The following OSBPL10 variants were observed in gnomAD, a reference collection of about 807,000 sequenced individuals.
The protein encoded by OSBPL10 is oxysterol-binding protein-related protein 10.
In OSBPL10, 49 loss-of-function variants were observed where a neutral mutation model predicts 81.7. The ratio of observed to expected loss-of-function variants is 0.60; its 90% CI spans 0.48 to 0.76. OSBPL10 has a LOEUF of 0.76. Among genes scored for constraint, OSBPL10 ranks in the 30% least tolerant of loss-of-function variants. The pLI is 0.00. For synonymous variants in OSBPL10, 419 were observed against 383.6 expected (o/e 1.09, Z -1.08); for missense variants, 923 against 987.8 (o/e 0.93, Z 0.88).
chr3:31,661,319 G>A lies in OSBPL10; in HGVS notation c.*753C>T, dbSNP rs1317883395. The A allele has an allele frequency of 2.0e-5, 3 of 152,274 alleles. No individual in the cohort carries two copies. In the East Asian group the frequency reaches 5.8e-4, roughly 29 times the overall value. The allele number at this position is 152,274 out of a possible 1,614,324, so 9.4% of individuals were successfully genotyped here. On this transcript the variant is annotated 3_prime_UTR_variant, in exon 12 of 12. Coordinates refer to ENST00000396556, the MANE Select transcript of OSBPL10 (RefSeq NM_017784.5). ...AAAGAAGTCTCCATATGATTGACTG[G>A]TTTTCTGATGTAAAAGAAGCAACTT...
intron 1 of OSBPL10, among the ~76,000 whole-genome samples, chr3:32,056,700 C>T (rs542459470): frequency 6.6e-5 from 10 of 152,344 alleles, no homozygotes; most frequent in South Asian, 4.1e-4. Flanking sequence ...GATGGACCTT[C>T]GTCCCTCTGC....
At chr3:31,897,274 G>A (rs1316208961) in intron 1 of OSBPL10, among the ~76,000 whole-genome samples, 3 of 151,950 alleles carry the variant, frequency 2.0e-5, no homozygotes, top group Admixed American at 1.3e-4. Context: ...CTTTGCTAAG[G>A]GCACTCACAG....
At chr3:32,046,536 C>G (rs992050692) in exon 2 of OSBPL10, 4 of 152,206 alleles carry the variant, frequency 2.6e-5, no homozygotes, top group Non-Finnish European at 4.4e-5. Context: ...ATGAGTAGTT[C>G]TATTTCCTAT....
intron 2 of OSBPL10, among the ~76,000 whole-genome samples, chr3:32,006,729 T>G (rs1320933693): frequency 6.6e-6 from 1 of 152,224 alleles, no homozygotes; most frequent in African/African-American, 2.4e-5. Flanking sequence ...CAAGTTCTCA[T>G]GTACACAGCT....
chr3:31,845,008 G>C (rs960646530), intron 3 of OSBPL10, among the ~76,000 whole-genome samples: 70 of 152,236 alleles, frequency 4.6e-4, no homozygotes, highest in Non-Finnish European at 3.8e-4. Flanking sequence ...CTTGAGCCCA[G>C]GAGGTCAAAG....
At chr3:31,754,594 A>G (rs1381276987) in intron 4 of OSBPL10, among the ~76,000 whole-genome samples, 1 of 152,236 alleles carries the variant, frequency 6.6e-6, no homozygotes, top group African/African-American at 2.4e-5. Context: ...GATCTCAAAA[A>G]CAGTGACCAC....
At chr3:31,814,517 G>A (rs762931804) in intron 4 of OSBPL10, among the ~76,000 whole-genome samples, 3 of 152,174 alleles carry the variant, frequency 2.0e-5, no homozygotes, top group Non-Finnish European at 2.9e-5. Flanking sequence ...CAGAGACACC[G>A]ATACGCAGGG....
intron 5 of OSBPL10, among the ~76,000 whole-genome samples, chr3:31,740,293 C>T (rs894381658): frequency 3.3e-5 from 5 of 152,114 alleles, no homozygotes; most frequent in Non-Finnish European, 7.4e-5. Flanking sequence ...CCACCCGCCT[C>T]GGCCTCCCAA....
At chr3:31,752,054 AC>A (rs1397383561) in intron 4 of OSBPL10, among the ~76,000 whole-genome samples, 2 of 152,206 alleles carry the variant, frequency 1.3e-5, no homozygotes, top group African/African-American at 4.8e-5. Context: ...TAAATGTGGT[AC>A]CGAAAGGCTG....
In OSBPL10 at chr3:31,905,848, A is replaced by T. The variant is rs1020367955; in HGVS notation, c.282-26018T>A. On this transcript the variant is annotated intron_variant, in intron 1 of 11. Transcript: ENST00000396556. ...CAATAAAACATTCCCTGACAAAAAA[A>T]AACCTATCACTTGATTAATTATTCT... Among the ~76,000 whole-genome samples the T allele has an allele frequency of 1.3e-5, 2 of 152,118 alleles. 1 individual carries two copies. Among genetic ancestry groups the T allele is most frequent in the South Asian group, 4.2e-4 (2 of 4,800 alleles).
chr3:31,685,672 A>G (rs969269493), intron 7 of OSBPL10, among the ~76,000 whole-genome samples: 4 of 152,142 alleles, frequency 2.6e-5, no homozygotes, highest in African/African-American at 7.2e-5. Context: ...CTCTCTTTAC[A>G]TAACTAATTC....
intron 1 of OSBPL10, among the ~76,000 whole-genome samples, chr3:31,959,083 A>C (rs1698086201): frequency 6.6e-6 from 1 of 152,194 alleles, no homozygotes; most frequent in Admixed American, 6.6e-5. Context: ...AGACGCACGC[A>C]ATGGAATCAC....
At chr3:31,680,687 T>A (rs532155737) in intron 8 of OSBPL10, among the ~76,000 whole-genome samples, 1 of 152,158 alleles carries the variant, frequency 6.6e-6, no homozygotes, top group Non-Finnish European at 1.5e-5. Flanking sequence ...TGGAGTGGAC[T>A]TGGAAGAACA....
intron 2 of OSBPL10, among the ~76,000 whole-genome samples, chr3:32,015,989 C>T (rs550414825): frequency 6.6e-6 from 1 of 152,328 alleles, no homozygotes; most frequent in South Asian, 2.1e-4. Flanking sequence ...CACTTTTACA[C>T]TGTTGGTGGG....
chr3:31,736,604 T>C (rs534390666), intron 5 of OSBPL10, among the ~76,000 whole-genome samples: 1 of 152,330 alleles, frequency 6.6e-6, no homozygotes, highest in Non-Finnish European at 1.5e-5. Context: ...CAAACAGTTG[T>C]TCCATAGATA....
chr3:31,682,775 T>A lies in OSBPL10; in HGVS notation c.1726+859A>T, dbSNP rs185697100. ...AACAGAAGCATCATCAGAACAGATC[T>A]TTTTTGGTCTGTTTTGTTTGCTCAA... On this transcript the variant is annotated intron_variant, in intron 8 of 11. Transcript: ENST00000396556. Among the ~76,000 whole-genome samples, 39 of 152,350 alleles carry A rather than the reference T, an allele frequency of 2.6e-4. 1 individual carries two copies. Among genetic ancestry groups the A allele is most frequent in the Admixed American group, 1.9e-3 (29 of 15,306 alleles).
At chr3:31,845,513 T>G (rs555517019) in intron 3 of OSBPL10, among the ~76,000 whole-genome samples, 20 of 152,368 alleles carry the variant, frequency 1.3e-4, no homozygotes, top group African/African-American at 4.8e-4. Flanking sequence ...TGTGCAATTA[T>G]AGTGCTTTTA....
chr3:31,838,717 C>T (rs1479998085), intron 3 of OSBPL10, among the ~76,000 whole-genome samples: 1 of 151,842 alleles, frequency 6.6e-6, no homozygotes, highest in African/African-American at 2.4e-5. Flanking sequence ...GCTGAGTTAG[C>T]ATCTTCGAAA....
intron 9 of OSBPL10, among the ~76,000 whole-genome samples, chr3:31,669,882 T>G (rs981111910): frequency 6.6e-6 from 1 of 152,194 alleles, no homozygotes; most frequent in Non-Finnish European, 1.5e-5. Flanking sequence ...AGTTCTTAGG[T>G]AGCAATGCAG....
Sources: allele counts gnomAD v4.1 joint callset (sites outside exome capture counted in the v4.1 genomes callset), GRCh38; gene constraint gnomAD v4.1.1; transcripts MANE v1.5; gene names NCBI Gene and HGNC (gene_info 2026-07-23, HGNC 2026-07-21).